Variants in TANC2 observed in about 807,000 individuals in gnomAD.
The protein encoded by TANC2 is tetratricopeptide repeat, ankyrin repeat and coiled-coil containing 2, also known as protein TANC2.
TANC2 carries 26 observed loss-of-function variants against 210.5 expected under a neutral mutation model. The observed-to-expected ratio is 0.12, with a 90% CI of 0.09 to 0.17. The LOEUF (loss-of-function observed/expected upper bound fraction) is 0.17, where lower values mean the gene tolerates loss of function less well. TANC2 is among the 10% of genes least tolerant of loss of function. TANC2 has a pLI of 1.00. For missense variants in TANC2, 2,129 were observed against 2,608.9 expected (o/e 0.82, Z 4.01); for synonymous variants, 931 against 967.1 (o/e 0.96, Z 0.69).
chr17:63,166,347 G>GACT (rs1210786589), intron 5 of TANC2, among the ~76,000 whole-genome samples: 1 of 152,034 alleles, frequency 6.6e-6, no homozygotes, highest in African/African-American at 2.4e-5. Flanking sequence ...TTGTTTGGAG[G>GACT]ACTTTTTTTC....
At chr17:63,254,686 G>T (rs1210231668) in intron 8 of TANC2, among the ~76,000 whole-genome samples, 1 of 152,076 alleles carries the variant, frequency 6.6e-6, no homozygotes, top group African/African-American at 2.4e-5. Context: ...TATCATGAAG[G>T]GATGTTGAAC....
At chr17:63,057,376 A>G (rs899355398) in intron 2 of TANC2, among the ~76,000 whole-genome samples, 1 of 152,180 alleles carries the variant, frequency 6.6e-6, no homozygotes, top group Non-Finnish European at 1.5e-5. Flanking sequence ...CTGTTTTGTT[A>G]AAGTGAATCT....
chr17:62,995,884 G>A (rs78857999), intron 1 of TANC2, among the ~76,000 whole-genome samples: 4,427 of 152,272 alleles, frequency 0.029, 79 homozygotes, highest in South Asian at 0.037. Context: ...CTTTGAGCCA[G>A]GAGTTCAAGA....
At chr17:63,258,522 T>C (rs1407883028) in intron 8 of TANC2, among the ~76,000 whole-genome samples, 1 of 151,406 alleles carries the variant, frequency 6.6e-6, no homozygotes, top group African/African-American at 2.4e-5. Context: ...ATCTACTTGG[T>C]GTTCCATACT....
intron 5 of TANC2, among the ~76,000 whole-genome samples, chr17:63,188,340 T>G (rs975326632): frequency 6.6e-6 from 1 of 151,254 alleles, no homozygotes; most frequent in Non-Finnish European, 1.5e-5. Context: ...AGTGGCGTAG[T>G]CCCAGCACTT....
intron 2 of TANC2, among the ~76,000 whole-genome samples, chr17:63,059,721 G>A (rs779371517): frequency 1.3e-5 from 2 of 151,494 alleles, no homozygotes; most frequent in Non-Finnish European, 2.9e-5. Context: ...AACATTTTAT[G>A]ATCTCCTGGC....
At chr17:63,366,888 C>T (rs559191427) in intron 14 of TANC2, among the ~76,000 whole-genome samples, 1 of 152,256 alleles carries the variant, frequency 6.6e-6, no homozygotes, top group Non-Finnish European at 1.5e-5. Context: ...ATAATTTTCG[C>T]CAAGAAGCAT....
intron 9 of TANC2, among the ~76,000 whole-genome samples, chr17:63,277,433 G>C (rs1366450343): frequency 6.6e-6 from 1 of 151,710 alleles, no homozygotes; most frequent in Admixed American, 6.6e-5. Context: ...TGCTTCTCTG[G>C]TCTTTCTGTC....
chr17:63,194,014 C>G lies in TANC2; in HGVS notation c.457C>G (p.Pro153Ala), dbSNP rs749201325. The G allele has an allele frequency of 6.2e-7, 1 of 1,612,864 alleles. No homozygotes were observed. The highest frequency in any genetic ancestry group is 8.5e-7 in the Non-Finnish European group (1 of 1,179,460). Residue 153 changes from proline to alanine, a missense_variant, in exon 6 of 28, where the codon CCC becomes GCC. Pro to Ala is a conservative substitution (Grantham distance 27, BLOSUM62 -1). Around this residue, in one of 5 missense-constraint regions of TANC2, gnomAD observed 739 missense variants for 848.0 expected, o/e 0.87. Transcript: ENST00000689528. Reference sequence around the variant, plus strand: ...AGGTGATGCTGAACAGGAGCTTGGCCCCCCTCCATCTGTAGATGAGGCAGC... The same window carrying G: ...AGGTGATGCTGAACAGGAGCTTGGCGCCCCTCCATCTGTAGATGAGGCAGC...
At chr17:63,038,027 T>C (rs759804618) in intron 2 of TANC2, among the ~76,000 whole-genome samples, 1 of 152,164 alleles carries the variant, frequency 6.6e-6, no homozygotes, top group Non-Finnish European at 1.5e-5. Context: ...TTTTCTCATT[T>C]TATGGCACTG....
At chr17:63,014,895 G>T (rs548886395) in intron 2 of TANC2, among the ~76,000 whole-genome samples, 3 of 151,984 alleles carry the variant, frequency 2.0e-5, no homozygotes, top group African/African-American at 7.2e-5. Flanking sequence ...TTTGTATTGT[G>T]TATGCAGAGA....
chr17:63,048,257 C>T (rs1314987955), intron 2 of TANC2, among the ~76,000 whole-genome samples: 3 of 152,074 alleles, frequency 2.0e-5, no homozygotes, highest in Admixed American at 6.6e-5. Context: ...TCCTGAACTC[C>T]ATCAAGTAAA....
intron 8 of TANC2, among the ~76,000 whole-genome samples, chr17:63,252,550 C>T (rs1347927177): frequency 6.6e-6 from 1 of 152,004 alleles, no homozygotes; most frequent in African/African-American, 2.4e-5. Flanking sequence ...AGCGACCCTT[C>T]CCAGCCTCTG....
intron 2 of TANC2, among the ~76,000 whole-genome samples, chr17:63,027,349 TAAA>T (rs940284065): frequency 4.6e-5 from 7 of 152,074 alleles, no homozygotes; most frequent in African/African-American, 1.7e-4. Flanking sequence ...TTTGATTCTT[TAAA>T]AAAGGGATTT....
exon 28 of TANC2, chr17:63,424,486 G>C (rs554570073): frequency 5.3e-5 from 8 of 152,272 alleles, no homozygotes; most frequent in African/African-American, 1.7e-4. Flanking sequence ...CTGTATTTCA[G>C]AGCTGCCCCT....
At chr17:63,183,792 C>T (rs1180313441) in intron 5 of TANC2, among the ~76,000 whole-genome samples, 6 of 152,020 alleles carry the variant, frequency 3.9e-5, no homozygotes, top group African/African-American at 1.4e-4. Flanking sequence ...CCGAGGTGGG[C>T]GGATCACGAG....
intron 4 of TANC2, among the ~76,000 whole-genome samples, chr17:63,145,655 A>G (rs2039438937): frequency 6.6e-6 from 1 of 152,118 alleles, no homozygotes; most frequent in Non-Finnish European, 1.5e-5. Context: ...CATTTGTTGA[A>G]AAGACTGTCC....
At chr17:63,026,262 A>G (rs2034550216) in intron 2 of TANC2, among the ~76,000 whole-genome samples, 1 of 152,126 alleles carries the variant, frequency 6.6e-6, no homozygotes, top group South Asian at 2.1e-4. Context: ...CTAGAGTACA[A>G]GTTTCATGTA....
At chr17:63,181,166 G>A (rs117203041) in intron 5 of TANC2, among the ~76,000 whole-genome samples, 1,789 of 152,208 alleles carry the variant, frequency 0.012, 17 homozygotes, top group Middle Eastern at 0.024. Flanking sequence ...CAGTAGAGAG[G>A]AGGGAGAATA....
Sources: allele counts gnomAD v4.1 joint callset (sites outside exome capture counted in the v4.1 genomes callset), GRCh38; gene constraint gnomAD v4.1.1; regional missense constraint gnomAD v4.1.1; transcripts MANE v1.5; gene names NCBI Gene and HGNC (gene_info 2026-07-23, HGNC 2026-07-21).